HK2: variants seen among roughly 807,000 people sequenced by gnomAD.
The protein encoded by HK2 is hexokinase 2.
A neutral mutation model predicts 92.9 loss-of-function variants in HK2; 42 were observed. The observed-to-expected ratio is 0.45, with a 90% CI of 0.35 to 0.58. HK2 has a LOEUF of 0.58. HK2 is among the 20% of genes least tolerant of loss of function. The probability of loss-of-function intolerance (pLI) is 0.00; values close to 1 mark genes in which losing one functional copy is unlikely to be tolerated. For synonymous variants in HK2, 422 were observed against 468.0 expected (o/e 0.90, Z 1.27); for missense variants, 978 against 1,245.1 (o/e 0.79, Z 3.23).
At chr2:74,880,669 C>A in intron 10 of HK2, 100 bp downstream of exon 10, 2 of 1,221,806 alleles carry the variant, frequency 1.6e-6, no homozygotes, top group Non-Finnish European at 2.4e-6. Context: ...ACATTTGAAC[C>A]AGAACACGTT....
At chr2:74,849,448 A>C (rs1175799658) in intron 1 of HK2, among the ~76,000 whole-genome samples, 3 of 152,226 alleles carry the variant, frequency 2.0e-5, no homozygotes, top group Non-Finnish European at 4.4e-5. Context: ...GCAGACGGGA[A>C]GGTAACCCGT....
At position 74,856,131 on chromosome 2, in the gene HK2, G is replaced by A. The variant is rs143840966; in HGVS notation, c.226+1676G>A. ...AGGAAGCTGGCAGGTCGCTGGTGAG[G>A]CATCTACAGGGGCGTTGTTGGGAGG... On this transcript the variant is annotated intron_variant, in intron 2 of 17. Transcript: ENST00000290573. Among the ~76,000 whole-genome samples the A allele has an allele frequency of 6.2e-3, 951 of 152,202 alleles. 11 individuals are homozygous for A. The highest frequency in any genetic ancestry group is 0.021 in the African/African-American group (876 of 41,504).
At chr2:74,880,127 A>G (rs923662966) in intron 9 of HK2, 138 bp from the exon 10 acceptor site, 10 of 893,110 alleles carry the variant, frequency 1.1e-5, no homozygotes, top group African/African-American at 4.9e-5. Flanking sequence ...GACAGTGGAG[A>G]GAGGATGTTT....
At chr2:74,847,394 C>G (rs1278160349) in intron 1 of HK2, among the ~76,000 whole-genome samples, 1 of 152,164 alleles carries the variant, frequency 6.6e-6, no homozygotes, top group Non-Finnish European at 1.5e-5. Flanking sequence ...AAAAACTTGA[C>G]AGGCCAGGTG....
chr2:74,854,222 T>G (rs1055936058), intron 1 of HK2, 71 bp from the exon 2 acceptor site: 4 of 1,429,852 alleles, frequency 2.8e-6, no homozygotes, highest in Non-Finnish European at 3.9e-6. Context: ...CTGAGTGGTG[T>G]TCCATGACGT....
At chr2:74,862,362 C>T (rs563229893) in intron 2 of HK2, among the ~76,000 whole-genome samples, 9 of 152,232 alleles carry the variant, frequency 5.9e-5, no homozygotes, top group Non-Finnish European at 1.2e-4. Flanking sequence ...CTAGGCCTAG[C>T]TGTTCAGCTC....
intron 1 of HK2, among the ~76,000 whole-genome samples, chr2:74,847,527 A>G (rs1447068474): frequency 6.6e-6 from 1 of 152,100 alleles, no homozygotes; most frequent in Non-Finnish European, 1.5e-5. Context: ...AAAAAATAAA[A>G]TTAAAAAAAT....
At position 74,849,769 on chromosome 2, in the gene HK2, G is replaced by A. The variant is rs1265222459; in HGVS notation, c.64-4524G>A. Among the ~76,000 whole-genome samples, 6 of 152,338 alleles carry A rather than the reference G, an allele frequency of 3.9e-5. No homozygotes were observed. In the East Asian group the frequency reaches 1.2e-3, roughly 29 times the overall value. On this transcript the variant is annotated intron_variant, in intron 1 of 17. Coordinates refer to ENST00000290573, the MANE Select transcript of HK2 (RefSeq NM_000189.5). ...TATGCTAATGACTCTGTCATGTGGG[G>A]CTATTCATCCTGTTTTGTGGCAAGG...
In HK2 at chr2:74,873,743, G is replaced by GA. The variant is rs1424545452; in HGVS notation, c.592-100dup. 1.3e-5 allele frequency: 10 copies of GA among 751,970 alleles called. No homozygotes were observed. In the African/African-American group the frequency reaches 1.4e-4, roughly 10 times the overall value. The allele number at this position is 751,970 out of a possible 1,614,324, so 46.6% of individuals were successfully genotyped here. A position where few individuals can be genotyped will look rare whatever the true frequency, so the allele number is the denominator to read the frequency against. Reference sequence around the variant, plus strand: ...TATGGGGAGGGAGGGGGGAGAGAGAGAGAAGGAGGAGGAGGAGGAGGAGGA... The same window carrying GA: ...TATGGGGAGGGAGGGGGGAGAGAGAGAAGAAGGAGGAGGAGGAGGAGGAGGA... On this transcript the variant is annotated intron_variant, in intron 5 of 17. Coordinates refer to ENST00000290573, the MANE Select transcript of HK2 (RefSeq NM_000189.5).
intron 1 of HK2, among the ~76,000 whole-genome samples, chr2:74,840,135 T>C (rs1420362549): frequency 6.6e-6 from 1 of 151,548 alleles, no homozygotes; most frequent in African/African-American, 2.4e-5. Flanking sequence ...TTTTTATATC[T>C]TTAGTAGAGA....
At chr2:74,843,161 A>C (rs1342869447) in intron 1 of HK2, among the ~76,000 whole-genome samples, 1 of 152,108 alleles carries the variant, frequency 6.6e-6, no homozygotes, top group Non-Finnish European at 1.5e-5. Context: ...ATTTCACAGA[A>C]GGGAATGGCC....
At position 74,888,001 on chromosome 2, in the gene HK2, C is replaced by T; in HGVS notation, c.2318C>T (p.Ser773Leu). 2 of 1,614,202 alleles carry T rather than the reference C, an allele frequency of 1.2e-6. No homozygotes were observed. The highest frequency in any genetic ancestry group is 1.7e-6 in the Non-Finnish European group (2 of 1,180,002). ...GGACTACTCTTCCGAGGCCGCATCT[C>T]AGAGCGGCTCAAGACAAGGGGCATC... The part of the protein sequence containing the change: ...KRGLLFRGRI[S>L]ERLKTRGIFE... Residue 773 changes from serine (S) to leucine (L), a missense_variant, in exon 16 of 18, where the codon TCA becomes TTA. Around this residue, in one of 3 missense-constraint regions of HK2, gnomAD observed 742 missense variants for 922.5 expected, o/e 0.80. Transcript: ENST00000290573.
chr2:74,859,648 A>G (rs573975525), intron 2 of HK2, among the ~76,000 whole-genome samples: 1 of 152,368 alleles, frequency 6.6e-6, no homozygotes, highest in South Asian at 2.1e-4. Flanking sequence ...AAAAAAGAGT[A>G]TTATCTGATG....
At chr2:74,890,574 T>TA (rs1689651734) in intron 17 of HK2, among the ~76,000 whole-genome samples, 1 of 152,222 alleles carries the variant, frequency 6.6e-6, no homozygotes, top group Non-Finnish European at 1.5e-5. Flanking sequence ...TAATGGCTGA[T>TA]ATGATGTGGA....
intron 2 of HK2, among the ~76,000 whole-genome samples, 169 bp from the exon 3 acceptor site, chr2:74,867,467 A>G (rs1157829728): frequency 6.6e-6 from 1 of 152,140 alleles, no homozygotes; most frequent in Non-Finnish European, 1.5e-5. Context: ...ATAATAATGT[A>G]AAGGTGTATA....
chr2:74,851,732 G>C (rs1433126305), intron 1 of HK2, among the ~76,000 whole-genome samples: 1 of 152,202 alleles, frequency 6.6e-6, no homozygotes, highest in East Asian at 1.9e-4. Context: ...GTAGTGAGGT[G>C]AGAGTGTCTT....
Position 74,877,424 on chromosome 2 carries a change from G to C in HK2, c.1031+103G>C, listed in dbSNP as rs1199977919. On this transcript the variant is annotated intron_variant, in intron 8 of 17. Transcript: ENST00000290573. ...TGTACCTTTTGACTCTTCAAGTATA[G>C]ACTGCAAGAGGGTCTCACATGACGT... 2.3e-6 allele frequency: 3 copies of C among 1,309,306 alleles called. No individual in the cohort carries two copies. The African/African-American group carries it at 4.3e-5, about 19-fold the overall frequency. 81.1% of individuals were successfully genotyped at this position (1,309,306 alleles called of 1,614,324 possible).
chr2:74,838,381 T>C (rs1688220047), intron 1 of HK2, among the ~76,000 whole-genome samples: 1 of 151,656 alleles, frequency 6.6e-6, no homozygotes, highest in Admixed American at 6.6e-5. Flanking sequence ...CTTGGAGGGG[T>C]AGTTCGCAGT....
intron 15 of HK2, among the ~76,000 whole-genome samples, 195 bp downstream of exon 15, chr2:74,886,868 C>T (rs1689552899): frequency 1.3e-5 from 2 of 152,180 alleles, no homozygotes. Flanking sequence ...CATCTCCCAC[C>T]CAAAAGCCTA....
Sources: allele counts gnomAD v4.1 joint callset (sites outside exome capture counted in the v4.1 genomes callset), GRCh38; gene constraint gnomAD v4.1.1; regional missense constraint gnomAD v4.1.1; transcripts MANE v1.5; gene names NCBI Gene and HGNC (gene_info 2026-07-23, HGNC 2026-07-21).